SLC9A9: variants seen among roughly 807,000 people sequenced by gnomAD.
SLC9A9 encodes sodium/hydrogen exchanger 9.
A neutral mutation model predicts 77.8 loss-of-function variants in SLC9A9; 62 were observed. The observed-to-expected ratio is 0.80, with a 90% CI of 0.65 to 0.98. SLC9A9 has a LOEUF of 0.98. Ranked by LOEUF, SLC9A9 falls within the 50% of genes least tolerant of loss-of-function variation. The probability of loss-of-function intolerance (pLI) is 0.00; values close to 1 mark genes in which losing one functional copy is unlikely to be tolerated. For synonymous variants in SLC9A9, 320 were observed against 283.5 expected, an observed-to-expected ratio of 1.13 and a Z score of -1.29; for missense variants, 775 against 774.9, an observed-to-expected ratio of 1.00 and a Z score of 0.00.
chr3:143,600,783 A>G (rs758076890), intron 6 of SLC9A9, among the ~76,000 whole-genome samples: 1 of 152,258 alleles, frequency 6.6e-6, no homozygotes, highest in Non-Finnish European at 1.5e-5. Flanking sequence ...TAAATTAACC[A>G]TAAGGCTGAA....
At chr3:143,681,014 G>A (rs1933071521) in intron 5 of SLC9A9, among the ~76,000 whole-genome samples, 1 of 152,100 alleles carries the variant, frequency 6.6e-6, no homozygotes, top group African/African-American at 2.4e-5. Context: ...AAGTGTCCCT[G>A]AACAGGTTAT....
chr3:143,692,092 A>G (rs1336660030), intron 5 of SLC9A9, among the ~76,000 whole-genome samples: 1 of 152,176 alleles, frequency 6.6e-6, no homozygotes, highest in East Asian at 1.9e-4. Context: ...TCAGTTTATA[A>G]GAAATACAGG....
chr3:143,509,322 G>C (rs763869556), intron 9 of SLC9A9, among the ~76,000 whole-genome samples: 5 of 152,134 alleles, frequency 3.3e-5, no homozygotes, highest in African/African-American at 4.8e-5. Context: ...AATTATGTTT[G>C]CTTAACTTGT....
chr3:143,388,087 A>T (rs139562876), intron 12 of SLC9A9, among the ~76,000 whole-genome samples: 70 of 152,286 alleles, frequency 4.6e-4, no homozygotes, highest in African/African-American at 1.6e-3. Context: ...ATTTTCAGTA[A>T]GGGAAGAGTG....
intron 1 of SLC9A9, among the ~76,000 whole-genome samples, chr3:143,837,984 G>A (rs2009611314): frequency 6.6e-6 from 1 of 152,200 alleles, no homozygotes; most frequent in Admixed American, 6.5e-5. Context: ...GACAACAGTA[G>A]GTGCTGAATC....
At chr3:143,408,910 T>C (rs1013982792) in intron 12 of SLC9A9, among the ~76,000 whole-genome samples, 1 of 152,092 alleles carries the variant, frequency 6.6e-6, no homozygotes, top group African/African-American at 2.4e-5. Context: ...CCAGGAAACA[T>C]GGGAACTGAC....
intron 4 of SLC9A9, among the ~76,000 whole-genome samples, chr3:143,768,894 T>C (rs1419460546): frequency 3.3e-5 from 5 of 152,238 alleles, no homozygotes; most frequent in Non-Finnish European, 5.9e-5. Context: ...TATATTGACA[T>C]ATGAAGAGCA....
At chr3:143,345,354 A>T (rs79727676) in intron 14 of SLC9A9, among the ~76,000 whole-genome samples, 2,768 of 152,248 alleles carry the variant, frequency 0.018, 86 homozygotes, top group African/African-American at 0.064. Flanking sequence ...GTAGGGGGAA[A>T]TTCAGAGTAT....
At chr3:143,715,003 C>A (rs546152427) in intron 4 of SLC9A9, among the ~76,000 whole-genome samples, 1 of 152,302 alleles carries the variant, frequency 6.6e-6, no homozygotes, top group African/African-American at 2.4e-5. Flanking sequence ...AGTCTCCCTG[C>A]ACAAGCTCTC....
intron 12 of SLC9A9, among the ~76,000 whole-genome samples, chr3:143,384,727 T>A (rs552101614): frequency 6.6e-6 from 1 of 152,236 alleles, no homozygotes; most frequent in African/African-American, 2.4e-5. Context: ...ACATCTCATC[T>A]CAGGGCAGGT....
At chr3:143,573,935 C>T (rs571957860) in intron 8 of SLC9A9, among the ~76,000 whole-genome samples, 153 bp downstream of exon 8, 6 of 152,262 alleles carry the variant, frequency 3.9e-5, no homozygotes, top group East Asian at 1.9e-4. Context: ...TTCTCTCCAG[C>T]GTACCCAAGA....
At chr3:143,630,125 GA>G (rs1420858424) in intron 6 of SLC9A9, among the ~76,000 whole-genome samples, 7 of 152,052 alleles carry the variant, frequency 4.6e-5, no homozygotes, top group African/African-American at 1.7e-4. Flanking sequence ...AAAACTGACA[GA>G]CAACCTTTTG....
At chr3:143,467,448 T>A (rs565983535) in intron 11 of SLC9A9, among the ~76,000 whole-genome samples, 1 of 152,180 alleles carries the variant, frequency 6.6e-6, no homozygotes, top group Non-Finnish European at 1.5e-5. Context: ...CCAGTCAAGA[T>A]AAAGAACATT....
intron 2 of SLC9A9, among the ~76,000 whole-genome samples, chr3:143,815,720 G>C (rs531299391): frequency 4.0e-5 from 6 of 151,646 alleles, no homozygotes; most frequent in African/African-American, 9.7e-5. Context: ...AAAAAAATTA[G>C]CTGGGCATGG....
chr3:143,686,728 C>T (rs1933282821), intron 5 of SLC9A9, among the ~76,000 whole-genome samples: 1 of 152,012 alleles, frequency 6.6e-6, no homozygotes, highest in Admixed American at 6.6e-5. Context: ...CAAACGAGAC[C>T]CCAAGACAGC....
chr3:143,630,267 T>C (rs953115651), intron 6 of SLC9A9, among the ~76,000 whole-genome samples: 3 of 152,140 alleles, frequency 2.0e-5, no homozygotes, highest in Non-Finnish European at 2.9e-5. Context: ...GCCATTTAAG[T>C]AGGGAAAAGA....
intron 5 of SLC9A9, among the ~76,000 whole-genome samples, chr3:143,676,734 TCAAA>T (rs111553158): frequency 6.6e-5 from 10 of 151,852 alleles, no homozygotes; most frequent in Admixed American, 2.6e-4. Context: ...AGACTCCTTC[TCAAA>T]CAAACAAACA....
At chr3:143,468,336 T>C (rs1576517951) in intron 11 of SLC9A9, among the ~76,000 whole-genome samples, 1 of 152,218 alleles carries the variant, frequency 6.6e-6, no homozygotes, top group African/African-American at 2.4e-5. Context: ...GATTGGTGAT[T>C]TAACTTCTTC....
At chr3:143,434,304 T>C (rs1186217808) in intron 12 of SLC9A9, among the ~76,000 whole-genome samples, 1 of 152,188 alleles carries the variant, frequency 6.6e-6, no homozygotes, top group Non-Finnish European at 1.5e-5. Flanking sequence ...CTATATAATG[T>C]AACTGCTTCA....
Sources: gnomAD v4.1 joint callset for allele counts (sites outside exome capture counted in the v4.1 genomes callset) on GRCh38, gnomAD v4.1.1 for gene constraint, MANE v1.5 for transcripts, NCBI Gene and HGNC (gene_info 2026-07-23, HGNC 2026-07-21) for gene names.